Variants in KLHL1 observed in about 807,000 individuals in gnomAD.
KLHL1 encodes the protein kelch like family member 1, also known as kelch-like protein 1.
KLHL1 carries 47 observed loss-of-function variants against 77.7 expected under a neutral mutation model. The ratio of observed to expected loss-of-function variants is 0.60; its 90% CI spans 0.48 to 0.77. The LOEUF (loss-of-function observed/expected upper bound fraction) is 0.77. Among genes scored for constraint, KLHL1 ranks in the 30% least tolerant of loss-of-function variants. The probability of loss-of-function intolerance (pLI) is 0.00; values close to 1 mark genes in which losing one functional copy is unlikely to be tolerated. For missense variants in KLHL1, 925 were observed against 910.8 expected, an observed-to-expected ratio of 1.02 and a Z score of -0.20; for synonymous variants, 360 against 325.2, an observed-to-expected ratio of 1.11 and a Z score of -1.15.
intron 1 of KLHL1, among the ~76,000 whole-genome samples, chr13:70,086,590 A>AAAAAAAGAAAG (rs1403142406): frequency 3.5e-5 from 3 of 85,752 alleles, no homozygotes; most frequent in African/African-American, 1.4e-4. Context: ...AAAAAAAAAA[A>AAAAAAAGAAAG]AAAGAAAGAA....
intron 1 of KLHL1, among the ~76,000 whole-genome samples, chr13:70,024,971 T>C (rs9572336): frequency 0.85 from 129,631 of 151,922 alleles, 55,682 homozygotes; most frequent in East Asian, 0.92. Flanking sequence ...TAATATGTGC[T>C]AGACACTTTA....
chr13:69,867,286 T>C (rs927460208), intron 5 of KLHL1, among the ~76,000 whole-genome samples: 1 of 152,094 alleles, frequency 6.6e-6, no homozygotes, highest in East Asian at 1.9e-4. Context: ...TAATAATACA[T>C]GACAATTTAA....
chr13:70,046,715 T>A (rs1024017394), intron 1 of KLHL1, among the ~76,000 whole-genome samples: 5 of 152,262 alleles, frequency 3.3e-5, no homozygotes, highest in Admixed American at 1.3e-4. Context: ...GGTTTCACCA[T>A]GTTGGCCAGG....
intron 6 of KLHL1, among the ~76,000 whole-genome samples, chr13:69,799,695 C>T (rs989125690): frequency 6.6e-6 from 1 of 152,156 alleles, no homozygotes; most frequent in Non-Finnish European, 1.5e-5. Flanking sequence ...GTTATTTCTG[C>T]ACTAAAATCA....
chr13:69,998,471 C>G (rs951019336), intron 1 of KLHL1, among the ~76,000 whole-genome samples: 1 of 152,002 alleles, frequency 6.6e-6, no homozygotes, highest in African/African-American at 2.4e-5. Flanking sequence ...CTGACTATGG[C>G]TCACATAATC....
chr13:69,816,470 G>A (rs1878127828), intron 6 of KLHL1, among the ~76,000 whole-genome samples: 1 of 151,682 alleles, frequency 6.6e-6, no homozygotes, highest in Non-Finnish European at 1.5e-5. Context: ...CACCATGTTG[G>A]CCAGGCTGGT....
Position 69,793,436 on chromosome 13 carries a change from T to C in KLHL1, c.1639+3302A>G, listed in dbSNP as rs556723496. On this transcript the variant is annotated intron_variant, in intron 7 of 10. Transcript: ENST00000377844. ...ATCATTTTTCGATAGCTGTGAAACA[T>C]TTTAAACCACGCAGTTTTAGCAACT... 1.3e-4 allele frequency among the ~76,000 whole-genome samples: 20 copies of C among 152,104 alleles called. 1 individual carries two copies. In the South Asian group the frequency reaches 2.3e-3, roughly 17 times the overall value.
At chr13:69,852,618 T>G (rs1205746818) in intron 5 of KLHL1, among the ~76,000 whole-genome samples, 1 of 151,980 alleles carries the variant, frequency 6.6e-6, no homozygotes. Flanking sequence ...TTAATCACTT[T>G]ATATTTGCAG....
At chr13:69,978,285 G>A (rs1884605242) in intron 1 of KLHL1, among the ~76,000 whole-genome samples, 1 of 151,476 alleles carries the variant, frequency 6.6e-6, no homozygotes, top group Non-Finnish European at 1.5e-5. Flanking sequence ...GCTGCCAAAT[G>A]GACCAAAACT....
intron 6 of KLHL1, among the ~76,000 whole-genome samples, chr13:69,830,449 A>G (rs1459210311): frequency 6.7e-6 from 1 of 150,244 alleles, no homozygotes. Context: ...AATTTATAAA[A>G]CAATTACTAC....
intron 4 of KLHL1, among the ~76,000 whole-genome samples, chr13:69,890,862 ACT>A (rs898257291): frequency 3.9e-5 from 6 of 151,956 alleles, no homozygotes; most frequent in African/African-American, 1.4e-4. Context: ...ATATTTTTTG[ACT>A]CTATATTGCT....
intron 6 of KLHL1, among the ~76,000 whole-genome samples, chr13:69,804,869 T>A (rs993140): frequency 6.6e-6 from 1 of 151,832 alleles, no homozygotes; most frequent in Admixed American, 6.6e-5. Flanking sequence ...AATAGTGAGA[T>A]GCATTTTGGA....
chr13:69,872,805 G>T (rs1880632148), intron 5 of KLHL1, among the ~76,000 whole-genome samples: 1 of 152,106 alleles, frequency 6.6e-6, no homozygotes, highest in Non-Finnish European at 1.5e-5. Flanking sequence ...ACCGGCTCTT[G>T]TGTAACTAAT....
At chr13:69,797,394 A>T (rs1251264481) in intron 6 of KLHL1, among the ~76,000 whole-genome samples, 1 of 152,238 alleles carries the variant, frequency 6.6e-6, no homozygotes, top group Non-Finnish European at 1.5e-5. Flanking sequence ...TTAATTCAAT[A>T]AAATATTACC....
At chr13:69,731,821 C>T (rs1873553254) in intron 8 of KLHL1, among the ~76,000 whole-genome samples, 1 of 151,658 alleles carries the variant, frequency 6.6e-6, no homozygotes, top group African/African-American at 2.4e-5. Context: ...ATAAATGTAC[C>T]TTGAAAAAAA....
intron 1 of KLHL1, among the ~76,000 whole-genome samples, chr13:70,078,407 T>C (rs1406519281): frequency 6.6e-6 from 1 of 152,092 alleles, no homozygotes; most frequent in African/African-American, 2.4e-5. Flanking sequence ...AGTTTTTTAA[T>C]GAGAAATTTA....
intron 1 of KLHL1, among the ~76,000 whole-genome samples, chr13:70,088,804 T>G (rs952410367): frequency 2.6e-5 from 4 of 152,164 alleles, no homozygotes; most frequent in Non-Finnish European, 4.4e-5. Flanking sequence ...TACTTTTATA[T>G]TCATGTACAT....
intron 7 of KLHL1, among the ~76,000 whole-genome samples, chr13:69,781,021 A>G (rs906926820): frequency 6.6e-6 from 1 of 151,572 alleles, no homozygotes; most frequent in Admixed American, 6.6e-5. Context: ...CCAGCATAAT[A>G]TATCAGACCA....
rs554073980 is a variant in KLHL1, at chr13:70,008,128, T to C, written c.498-32326A>G. ...CTGCAAATTTTTCAATTTCTAAATC[T>C]TTTAGAGTATTATTTTCTACAGGAC... On this transcript the variant is annotated intron_variant, in intron 1 of 10. Coordinates refer to ENST00000377844, the MANE Select transcript of KLHL1 (RefSeq NM_020866.3). Among the ~76,000 whole-genome samples, 261 of 152,162 alleles carry C rather than the reference T, an allele frequency of 1.7e-3. 1 individual carries two copies. Among genetic ancestry groups the C allele is most frequent in the African/African-American group, 5.9e-3 (246 of 41,542 alleles).
Sources: gnomAD v4.1 joint callset for allele counts (sites outside exome capture counted in the v4.1 genomes callset) on GRCh38, gnomAD v4.1.1 for gene constraint, MANE v1.5 for transcripts, NCBI Gene and HGNC (gene_info 2026-07-23, HGNC 2026-07-21) for gene names.